Variants in CALN1 observed in about 807,000 individuals in gnomAD.
CALN1 encodes calcium-binding protein 8.
A neutral mutation model predicts 30.6 loss-of-function variants in CALN1; 17 were observed. The observed-to-expected ratio is 0.56, with a 90% CI of 0.38 to 0.83. The LOEUF (loss-of-function observed/expected upper bound fraction) is 0.83. CALN1 is among the 40% of genes least tolerant of loss of function. The probability of loss-of-function intolerance (pLI) is 0.00; values close to 1 mark genes in which losing one functional copy is unlikely to be tolerated. For synonymous variants in CALN1, 156 were observed against 131.4 expected (o/e 1.19, Z -1.28); for missense variants, 291 against 354.9 (o/e 0.82, Z 1.45).
intron 3 of CALN1, among the ~76,000 whole-genome samples, chr7:72,167,023 G>C (rs1357072356): frequency 6.6e-6 from 1 of 151,876 alleles, no homozygotes. Context: ...GACAGAGCAA[G>C]ACCCTGTCTC....
At chr7:72,443,238 G>A (rs187978427) in intron 1 of CALN1, among the ~76,000 whole-genome samples, 16 of 152,318 alleles carry the variant, frequency 1.1e-4, no homozygotes, top group Non-Finnish European at 1.3e-4. Context: ...CTGCCTGCAA[G>A]TTCCGCAAGA....
At chr7:71,918,227 C>T (rs899265815) in intron 5 of CALN1, among the ~76,000 whole-genome samples, 1 of 152,198 alleles carries the variant, frequency 6.6e-6, no homozygotes, top group Non-Finnish European at 1.5e-5. Flanking sequence ...GGCTGAATTA[C>T]TTTCATGAGG....
chr7:72,174,926 A>ATTT lies in CALN1; in HGVS notation c.245-68635_245-68633dup, dbSNP rs33979752. Among the ~76,000 whole-genome samples the ATTT allele has an allele frequency of 8.1e-4, 112 of 137,788 alleles. 2 individuals carry two copies. Among genetic ancestry groups the ATTT allele is most frequent in the Middle Eastern group, 3.7e-3 (1 of 272 alleles). The allele number at this position is 137,788 out of a possible 152,430, so 90.4% of individuals were successfully genotyped here. A position where few individuals can be genotyped will look rare whatever the true frequency, so the allele number is the denominator to read the frequency against. ...TGTAAACTATACCTCAATATAATCA[A>ATTT]TTTTTTTTTTTTTTGAGACGGAGTC... On this transcript the variant is annotated intron_variant, in intron 3 of 6. Transcript: ENST00000395275.
chr7:71,911,269 T>C (rs970736755), intron 5 of CALN1, among the ~76,000 whole-genome samples: 1 of 152,186 alleles, frequency 6.6e-6, no homozygotes, highest in African/African-American at 2.4e-5. Flanking sequence ...CACATTAGCC[T>C]AGGAAATCAC....
At chr7:71,884,062 C>T (rs190457033) in intron 5 of CALN1, among the ~76,000 whole-genome samples, 19 of 152,118 alleles carry the variant, frequency 1.2e-4, no homozygotes, top group East Asian at 7.7e-4. Flanking sequence ...TACAGGTGTG[C>T]GCCACCACGC....
the CALN1 span, among the ~76,000 whole-genome samples, chr7:72,479,007 G>T: frequency 6.6e-6 from 1 of 151,406 alleles, no homozygotes; most frequent in Admixed American, 6.6e-5. Flanking sequence ...TCAGCCTCCT[G>T]AGTAGCTGGG....
At chr7:72,101,392 A>G (rs1256438735) in intron 4 of CALN1, among the ~76,000 whole-genome samples, 2 of 152,184 alleles carry the variant, frequency 1.3e-5, no homozygotes, top group African/African-American at 2.4e-5. Flanking sequence ...GATGGAAGTC[A>G]CTGGAAGTGA....
chr7:72,065,530 T>C (rs1307986119), intron 4 of CALN1, among the ~76,000 whole-genome samples: 1 of 152,162 alleles, frequency 6.6e-6, no homozygotes, highest in Admixed American at 6.5e-5. Flanking sequence ...TTCTTCTCTA[T>C]AAAGCAAGCA....
intron 6 of CALN1, 134 bp downstream of exon 6, chr7:71,810,202 C>T: frequency 2.3e-6 from 2 of 856,858 alleles, no homozygotes; most frequent in Non-Finnish European, 3.5e-6. Flanking sequence ...TCTTTAACCT[C>T]AGTCCTGGAT....
At chr7:71,998,118 C>T (rs1007354502) in intron 5 of CALN1, among the ~76,000 whole-genome samples, 19 of 152,090 alleles carry the variant, frequency 1.2e-4, no homozygotes, top group Admixed American at 1.2e-3. Flanking sequence ...AGCCATGGTG[C>T]CCAGCCCATC....
chr7:72,208,578 T>C (rs1792064281), intron 3 of CALN1, among the ~76,000 whole-genome samples: 1 of 152,216 alleles, frequency 6.6e-6, no homozygotes, highest in Non-Finnish European at 1.5e-5. Context: ...TACATCAATA[T>C]GTCAACAGTG....
the CALN1 span, among the ~76,000 whole-genome samples, chr7:72,473,580 A>G: frequency 2.0e-5 from 3 of 152,208 alleles, no homozygotes; most frequent in African/African-American, 7.2e-5. Flanking sequence ...CTTATTAATG[A>G]AATAATTAAG....
At chr7:71,821,408 C>T (rs548455648) in intron 5 of CALN1, among the ~76,000 whole-genome samples, 2 of 152,066 alleles carry the variant, frequency 1.3e-5, no homozygotes, top group Non-Finnish European at 2.9e-5. Flanking sequence ...GGAGGGCTCA[C>T]AATCATGGTG....
chr7:71,971,993 G>GAA (rs373873170), intron 5 of CALN1, among the ~76,000 whole-genome samples: 2,906 of 84,474 alleles, frequency 0.034, 46 homozygotes, highest in Admixed American at 0.056. Flanking sequence ...AAGAAAGAAA[G>GAA]AGAAAGAAAG....
chr7:72,205,551 A>AAATATATACATACATATAT lies in CALN1; in HGVS notation c.244+73134_244+73135insATATATGTATGTATATATT. ...ATTTTTCTCCTGATTGCAAAAAAAA[A>AAATATATACATACATATAT]ATATATATATATATATGTATATATA... On this transcript the variant is annotated intron_variant, in intron 3 of 6. Coordinates refer to ENST00000395275, the MANE Select transcript of CALN1 (RefSeq NM_031468.4). 3.5e-3 allele frequency among the ~76,000 whole-genome samples: 294 copies of AAATATATACATACATATAT among 83,024 alleles called. 22 individuals carry two copies. Among genetic ancestry groups the AAATATATACATACATATAT allele is most frequent in the African/African-American group, 0.022 (289 of 13,424 alleles). The allele number at this position is 83,024 out of a possible 152,430, so 54.5% of individuals were successfully genotyped here. A position where few individuals can be genotyped will look rare whatever the true frequency, so the allele number is the denominator to read the frequency against.
intron 5 of CALN1, among the ~76,000 whole-genome samples, chr7:71,823,636 T>G (rs1309322198): frequency 6.6e-6 from 1 of 151,954 alleles, no homozygotes; most frequent in Non-Finnish European, 1.5e-5. Flanking sequence ...AAGAATTGCT[T>G]GAACCTGGGA....
chr7:72,456,307 G>A, the CALN1 span, among the ~76,000 whole-genome samples: 2 of 152,132 alleles, frequency 1.3e-5, no homozygotes, highest in East Asian at 1.9e-4. Flanking sequence ...AGGATCACTC[G>A]AGGCCAGGAG....
intron 5 of CALN1, among the ~76,000 whole-genome samples, chr7:71,869,466 C>T (rs1340174794): frequency 1.3e-5 from 2 of 152,132 alleles, no homozygotes; most frequent in African/African-American, 2.4e-5. Flanking sequence ...CCTGCCTCGG[C>T]CTCCCAAAGT....
chr7:72,271,003 G>A (rs750592370), intron 3 of CALN1, among the ~76,000 whole-genome samples: 1 of 152,156 alleles, frequency 6.6e-6, no homozygotes, highest in Non-Finnish European at 1.5e-5. Flanking sequence ...ACGAAGAGAG[G>A]TCAAGATATA....
Sources: gnomAD v4.1 joint callset for allele counts (sites outside exome capture counted in the v4.1 genomes callset) on GRCh38, gnomAD v4.1.1 for gene constraint, MANE v1.5 for transcripts, NCBI Gene and HGNC (gene_info 2026-07-23, HGNC 2026-07-21) for gene names.